Variants in NELL1 observed in about 807,000 individuals in gnomAD.
NELL1 encodes the protein neural EGFL like 1.
In NELL1, 76 loss-of-function variants were observed where a neutral mutation model predicts 107.4. The observed-to-expected ratio is 0.71, with a 90% CI of 0.59 to 0.86. NELL1 has a LOEUF of 0.86. NELL1 is among the 40% of genes least tolerant of loss of function. The probability of loss-of-function intolerance (pLI) is 0.00; values close to 1 mark genes in which losing one functional copy is unlikely to be tolerated. For missense variants in NELL1, 1,024 were observed against 1,005.5 expected (o/e 1.02, Z -0.25); for synonymous variants, 353 against 341.2 (o/e 1.03, Z -0.38).
At chr11:21,190,250 G>A (rs1303847644) in intron 13 of NELL1, among the ~76,000 whole-genome samples, 2 of 151,800 alleles carry the variant, frequency 1.3e-5, no homozygotes, top group Non-Finnish European at 2.9e-5. Context: ...TACTCTGGAG[G>A]CTGAAGCAGG....
At chr11:20,914,386 T>C (rs1850199558) in intron 5 of NELL1, among the ~76,000 whole-genome samples, 1 of 152,018 alleles carries the variant, frequency 6.6e-6, no homozygotes, top group East Asian at 1.9e-4. Flanking sequence ...AGGTCATAGG[T>C]AGATTTAAAA....
rs540969600 is a variant in NELL1 at position 21,045,812 on chromosome 11, A to G, written c.1301-67777A>G. The stretch of plus-strand genomic sequence containing the variant: ...TTAAATTTCAGAATAACTGCCTTTT[A>G]AACATTCTTTAGTTTAGTCATAAAT... On this transcript the variant is annotated intron_variant, in intron 12 of 19. Coordinates refer to ENST00000357134, the MANE Select transcript of NELL1 (RefSeq NM_006157.5). Among the ~76,000 whole-genome samples the G allele has an allele frequency of 2.6e-4, 40 of 152,294 alleles. No individual in the cohort carries two copies. In the South Asian group the frequency reaches 7.3e-3, roughly 28 times the overall value.
At chr11:21,529,547 A>G (rs573412185) in intron 15 of NELL1, among the ~76,000 whole-genome samples, 15 of 147,490 alleles carry the variant, frequency 1.0e-4, no homozygotes, top group African/African-American at 3.6e-4. Context: ...AACTTATGTG[A>G]AGTTTTTTGG....
At chr11:21,006,984 G>A (rs1464217704) in intron 12 of NELL1, among the ~76,000 whole-genome samples, 7 of 152,050 alleles carry the variant, frequency 4.6e-5, no homozygotes, top group Admixed American at 3.9e-4. Flanking sequence ...CCTGTTGGAG[G>A]GGTAGCTGGT....
intron 2 of NELL1, among the ~76,000 whole-genome samples, chr11:20,701,311 T>C (rs190056206): frequency 6.6e-6 from 1 of 152,290 alleles, no homozygotes; most frequent in Non-Finnish European, 1.5e-5. Context: ...TGTCTTCTTT[T>C]GAGAAGTGTC....
chr11:21,497,396 G>C (rs569120429), intron 15 of NELL1, among the ~76,000 whole-genome samples: 6 of 152,022 alleles, frequency 3.9e-5, no homozygotes, highest in Non-Finnish European at 4.4e-5. Flanking sequence ...TTTGTTATAA[G>C]GTCTTCAACT....
At chr11:21,171,988 T>C (rs925140673) in intron 13 of NELL1, among the ~76,000 whole-genome samples, 2 of 151,972 alleles carry the variant, frequency 1.3e-5, no homozygotes, top group South Asian at 4.1e-4. Flanking sequence ...TTCTGAACTT[T>C]CTTTGAACCT....
At chr11:20,757,523 T>C (rs1371012285) in intron 2 of NELL1, among the ~76,000 whole-genome samples, 2 of 152,246 alleles carry the variant, frequency 1.3e-5, no homozygotes, top group Non-Finnish European at 2.9e-5. Flanking sequence ...CCTATATACA[T>C]ACCAGAGCAT....
At chr11:21,073,865 C>G (rs1169903410) in intron 12 of NELL1, among the ~76,000 whole-genome samples, 1 of 152,080 alleles carries the variant, frequency 6.6e-6, no homozygotes, top group Non-Finnish European at 1.5e-5. Context: ...TTTCAATTAT[C>G]TGTTTAGAAA....
intron 4 of NELL1, among the ~76,000 whole-genome samples, chr11:20,877,138 AT>A (rs1849320428): frequency 1.3e-5 from 2 of 152,254 alleles, no homozygotes; most frequent in East Asian, 3.9e-4. Flanking sequence ...GTATAGGAAA[AT>A]TTCTCCAAGG....
chr11:21,504,880 T>C (rs1284397400), intron 15 of NELL1, among the ~76,000 whole-genome samples: 3 of 152,170 alleles, frequency 2.0e-5, no homozygotes, highest in Non-Finnish European at 4.4e-5. Flanking sequence ...ACCCTTGGTA[T>C]CTCTTCCTGT....
chr11:20,885,739 T>C (rs2134107613), intron 5 of NELL1, among the ~76,000 whole-genome samples, 199 bp downstream of exon 5: 1 of 152,328 alleles, frequency 6.6e-6, no homozygotes, highest in African/African-American at 2.4e-5. Flanking sequence ...CTTGTCACAG[T>C]AATTTGTGAA....
chr11:20,848,429 C>T (rs1848739459), intron 4 of NELL1, among the ~76,000 whole-genome samples: 1 of 152,040 alleles, frequency 6.6e-6, no homozygotes, highest in Non-Finnish European at 1.5e-5. Context: ...TGAGGGAGTC[C>T]ATTGGTTTCT....
intron 6 of NELL1, among the ~76,000 whole-genome samples, chr11:20,918,534 G>T (rs139788091): frequency 3.4e-4 from 51 of 152,110 alleles, no homozygotes; most frequent in African/African-American, 1.2e-3. Flanking sequence ...GTTCCACATG[G>T]ATGGGGAGGC....
At chr11:21,480,489 G>T (rs909800924) in intron 15 of NELL1, among the ~76,000 whole-genome samples, 11 of 152,170 alleles carry the variant, frequency 7.2e-5, no homozygotes, top group Admixed American at 1.3e-4. Context: ...CTATTAGGCT[G>T]TTCATTCAGC....
rs1346360255 is a variant in NELL1 at position 21,284,591 on chromosome 11, T to C, written c.1549+55137T>C. On this transcript the variant is annotated intron_variant, in intron 14 of 19. Transcript: ENST00000357134. ...GAGTATCCCAGCCCCAACAGTTTGA[T>C]GTCATGGTAATGCTCAGTCTTTATG... The C allele has an allele frequency of 6.7e-6, 3 of 446,638 alleles. No homozygotes were observed. In the East Asian group the frequency reaches 2.1e-4, roughly 31 times the overall value. 27.7% of individuals were successfully genotyped at this position (446,638 alleles called of 1,614,324 possible).
chr11:21,025,860 ATCT>A (rs1217133682), intron 12 of NELL1, among the ~76,000 whole-genome samples: 1 of 152,168 alleles, frequency 6.6e-6, no homozygotes, highest in Non-Finnish European at 1.5e-5. Context: ...CCAAACCTGC[ATCT>A]TCTTTAGTCT....
intron 13 of NELL1, among the ~76,000 whole-genome samples, chr11:21,158,919 G>T (rs1287180829): frequency 6.6e-6 from 1 of 151,926 alleles, no homozygotes; most frequent in Non-Finnish European, 1.5e-5. Flanking sequence ...GAGTATTTTT[G>T]AGGAATTGAG....
At position 21,049,545 on chromosome 11, in the gene NELL1, C is replaced by T. The variant is rs1240103507; in HGVS notation, c.1301-64044C>T. On this transcript the variant is annotated intron_variant, in intron 12 of 19. Transcript: ENST00000357134. ...CATTAAGGAACATAGAGCAAATTAC[C>T]CCCAAGATGAGAACTAGATTGCATT... Among the ~76,000 whole-genome samples, 6 of 152,182 alleles carry T rather than the reference C, an allele frequency of 3.9e-5. No homozygotes were observed. In the East Asian group the frequency reaches 1.2e-3, roughly 29 times the overall value.
Sources: gnomAD v4.1 joint callset for allele counts (sites outside exome capture counted in the v4.1 genomes callset) on GRCh38, gnomAD v4.1.1 for gene constraint, MANE v1.5 for transcripts, NCBI Gene and HGNC (gene_info 2026-07-23, HGNC 2026-07-21) for gene names.